The following FAM53A variants were observed in gnomAD, a reference collection of about 807,000 sequenced individuals.
FAM53A encodes the protein protein FAM53A.
FAM53A carries 28 observed loss-of-function variants against 26.6 expected under a neutral mutation model. The ratio of observed to expected loss-of-function variants is 1.05; its 90% confidence interval spans 0.78 to 1.45. The LOEUF is 1.45. Among genes scored for constraint, FAM53A ranks in the 40% most tolerant of loss-of-function variants. The pLI is 0.00. For synonymous variants in FAM53A, 290 were observed against 253.1 expected (o/e 1.15, Z -1.38); for missense variants, 650 against 575.8 (o/e 1.13, Z -1.32).
intron 3 of FAM53A, among the ~76,000 whole-genome samples, 167 bp downstream of exon 3, chr4:1,657,241 G>A (rs546899562): frequency 7.9e-5 from 12 of 152,346 alleles, no homozygotes; most frequent in Admixed American, 2.6e-4. Flanking sequence ...GGGCCCAGCC[G>A]TTGGAGGACG....
chr4:1,623,718 G>A (rs1224392565), intron 1 of FAM53A, among the ~76,000 whole-genome samples: 3 of 152,274 alleles, frequency 2.0e-5, no homozygotes, highest in Non-Finnish European at 4.4e-5. Context: ...GCCTGCGGAG[G>A]AGTGCGGCCG....
downstream of FAM53A, among the ~76,000 whole-genome samples, chr4:1,635,040 A>AT (rs1441711567): frequency 5.9e-5 from 9 of 152,166 alleles, no homozygotes; most frequent in Middle Eastern, 3.4e-3. Flanking sequence ...GTTTTTAGCA[A>AT]TTTTTTCCAG....
At chr4:1,637,911 T>C (rs1715918555), downstream of FAM53A, among the ~76,000 whole-genome samples, 1 of 151,318 alleles carries the variant, frequency 6.6e-6, no homozygotes, top group African/African-American at 2.4e-5. Flanking sequence ...AGGCCCCCCA[T>C]TCCTCCCATC....
chr4:1,584,770 T>A, the FAM53A span, among the ~76,000 whole-genome samples: 2 of 152,090 alleles, frequency 1.3e-5, no homozygotes, highest in Admixed American at 1.3e-4. Flanking sequence ...GCTGCCCCTA[T>A]GGCAAGTGTC....
At chr4:1,681,420 G>A (rs1715430424) in intron 1 of FAM53A, among the ~76,000 whole-genome samples, 1 of 152,188 alleles carries the variant, frequency 6.6e-6, no homozygotes, top group South Asian at 2.1e-4. Context: ...TGGGATTACA[G>A]GTGTGAGCCA....
the FAM53A span, among the ~76,000 whole-genome samples, chr4:1,601,913 C>T: frequency 9.1e-5 from 4 of 43,776 alleles, no homozygotes; most frequent in East Asian, 1.2e-3. Context: ...TTGTGTGGGG[C>T]CTGGGGAGGT....
rs374314932 is a variant in FAM53A, at chr4:1,629,683, G to C, written c.432-11572C>G. On this transcript the variant is annotated intron_variant, in intron 1 of 1. Coordinates refer to the FAM53A transcript ENST00000489029. ...GAGTACAAGGGGGACTCCCAGAGCA[G>C]GGCTCTCAGGCCCAGACTCAGCCCC... 7.5e-4 allele frequency among the ~76,000 whole-genome samples: 114 copies of C among 152,344 alleles called. 1 individual carries two copies. The highest frequency in any genetic ancestry group is 2.7e-3 in the African/African-American group (113 of 41,586).
chr4:1,648,825 G>A (rs576782021), intron 4 of FAM53A, among the ~76,000 whole-genome samples: 20 of 152,284 alleles, frequency 1.3e-4, no homozygotes, highest in Admixed American at 7.8e-4. Flanking sequence ...TGAAGAAAAC[G>A]GGGCAAGCCG....
the FAM53A span, among the ~76,000 whole-genome samples, chr4:1,612,188 A>G: frequency 6.6e-6 from 1 of 152,350 alleles, no homozygotes; most frequent in South Asian, 2.1e-4. Flanking sequence ...GCAATGGGCC[A>G]GCCACTAAAT....
intron 1 of FAM53A, among the ~76,000 whole-genome samples, chr4:1,633,722 C>T (rs1560121657): frequency 2.6e-5 from 4 of 152,018 alleles, no homozygotes; most frequent in East Asian, 1.9e-4. Context: ...CAAGGGAGCC[C>T]GGGACCGAGA....
At chr4:1,620,206 CAAA>C (rs58416333) in intron 1 of FAM53A, among the ~76,000 whole-genome samples, 16 of 122,800 alleles carry the variant, frequency 1.3e-4, no homozygotes, top group Admixed American at 3.2e-4. Context: ...GACTCTGTCT[CAAA>C]AAAAAAAAAA....
chr4:1,676,095 T>C (rs941906184), intron 1 of FAM53A, among the ~76,000 whole-genome samples: 2 of 152,248 alleles, frequency 1.3e-5, no homozygotes, highest in East Asian at 1.9e-4. Context: ...ACAGCATTTG[T>C]AGAGCCATGA....
the FAM53A span, among the ~76,000 whole-genome samples, chr4:1,594,178 T>C: frequency 6.6e-6 from 1 of 152,160 alleles, no homozygotes; most frequent in Non-Finnish European, 1.5e-5. Flanking sequence ...CTCCTTCCCT[T>C]GGGAGCCAGC....
chr4:1,668,592 C>G (rs1197878231), intron 2 of FAM53A, 75 bp downstream of exon 2: 2 of 1,561,376 alleles, frequency 1.3e-6, no homozygotes, highest in Non-Finnish European at 1.8e-6. Context: ...CTCACCTCCA[C>G]CTCCCAGTGT....
intron 2 of FAM53A, among the ~76,000 whole-genome samples, chr4:1,666,491 C>T (rs1015844294): frequency 6.6e-6 from 1 of 152,226 alleles, no homozygotes; most frequent in African/African-American, 2.4e-5. Flanking sequence ...CGTGGGGGCC[C>T]GTGGGTCACC....
chr4:1,605,861 T>G, the FAM53A span, among the ~76,000 whole-genome samples: 1 of 152,124 alleles, frequency 6.6e-6, no homozygotes, highest in African/African-American at 2.4e-5. This position sits in a 1 kb window ranked among gnomAD's most constrained non-coding sequence, Gnocchi z 5.7. Flanking sequence ...CTTCAGAGTC[T>G]TCTCCCCTTT....
chr4:1,591,693 G>C, the FAM53A span, among the ~76,000 whole-genome samples: 2 of 152,244 alleles, frequency 1.3e-5, no homozygotes, highest in Non-Finnish European at 2.9e-5. Context: ...TTCTGGGTGT[G>C]AGTTTGGGAT....
chr4:1,607,075 G>A, the FAM53A span, among the ~76,000 whole-genome samples: 1 of 152,190 alleles, frequency 6.6e-6, no homozygotes, highest in Admixed American at 6.5e-5. Context: ...CTGGAGTGCA[G>A]TGGCCCGATC....
At chr4:1,645,819 C>T (rs1361172657) in intron 4 of FAM53A, among the ~76,000 whole-genome samples, 4 of 152,214 alleles carry the variant, frequency 2.6e-5, no homozygotes, top group African/African-American at 4.8e-5. Context: ...TTTCGGTCTG[C>T]GCCGTCTCAA....
Sources: gnomAD v4.1 joint callset for allele counts (sites outside exome capture counted in the v4.1 genomes callset) on GRCh38, gnomAD v4.1.1 for gene constraint, Gnocchi (gnomAD v3.1) non-coding constraint, MANE v1.5 for transcripts, NCBI Gene and HGNC (gene_info 2026-07-23, HGNC 2026-07-21) for gene names.